The following CBL variants were observed in gnomAD, a reference collection of about 807,000 sequenced individuals.
CBL encodes the protein Cbl proto-oncogene, also known as E3 ubiquitin-protein ligase CBL.
A neutral mutation model predicts 96.9 loss-of-function variants in CBL; 45 were observed. That is an observed-to-expected ratio of 0.46 (90% CI 0.37 to 0.60). CBL has a LOEUF of 0.60. CBL is among the 20% of genes least tolerant of loss of function. The pLI is 0.00. For synonymous variants in CBL, 420 were observed against 426.8 expected (o/e 0.98, Z 0.20); for missense variants, 1,024 against 1,143.5 (o/e 0.90, Z 1.51).
intron 2 of CBL, 60 bp from the exon 3 acceptor site, chr11:119,271,675 G>T (rs2135296913): frequency 7.4e-7 from 1 of 1,358,016 alleles, no homozygotes; most frequent in Non-Finnish European, 1.1e-6. Context: ...TGGTGAATTT[G>T]GTGCATTTAA....
chr11:119,207,827 T>G (rs999210509), intron 1 of CBL, among the ~76,000 whole-genome samples: 7 of 152,226 alleles, frequency 4.6e-5, no homozygotes, highest in Non-Finnish European at 7.3e-5. Context: ...GGTTCCTCCC[T>G]GGGCCTCGGT....
chr11:119,274,565 C>T (rs184564117), intron 4 of CBL, among the ~76,000 whole-genome samples: 21 of 152,266 alleles, frequency 1.4e-4, no homozygotes, highest in African/African-American at 5.1e-4. Flanking sequence ...TGTTGTTCAA[C>T]CCCACTACTG....
At chr11:119,218,203 C>T (rs1242802877) in intron 1 of CBL, among the ~76,000 whole-genome samples, 2 of 152,304 alleles carry the variant, frequency 1.3e-5, no homozygotes, top group East Asian at 3.9e-4. Flanking sequence ...GATGACCCGG[C>T]ACTCACACTT....
At chr11:119,225,894 A>G (rs1949455057) in intron 1 of CBL, among the ~76,000 whole-genome samples, 1 of 151,668 alleles carries the variant, frequency 6.6e-6, no homozygotes, top group African/African-American at 2.4e-5. Flanking sequence ...CGCTTGGCTA[A>G]TTTTTTGTGT....
chr11:119,264,570 C>T (rs1565868525), intron 2 of CBL, among the ~76,000 whole-genome samples: 1 of 151,972 alleles, frequency 6.6e-6, no homozygotes, highest in Non-Finnish European at 1.5e-5. Flanking sequence ...GTACCTCCAC[C>T]TCCAGGGCTC....
chr11:119,291,534 A>G (rs956463826), intron 12 of CBL, among the ~76,000 whole-genome samples: 3 of 152,170 alleles, frequency 2.0e-5, no homozygotes, highest in African/African-American at 4.8e-5. Context: ...GCGAAACCCT[A>G]TCTCTATGAA....
chr11:119,261,093 T>G (rs1949750634), intron 2 of CBL, among the ~76,000 whole-genome samples: 1 of 151,898 alleles, frequency 6.6e-6, no homozygotes, highest in Admixed American at 6.6e-5. Context: ...TTTGTATTTT[T>G]AGTAGAGATG....
intron 12 of CBL, among the ~76,000 whole-genome samples, chr11:119,290,536 C>T (rs2135315029): frequency 6.7e-6 from 1 of 149,826 alleles, no homozygotes; most frequent in African/African-American, 2.4e-5. Flanking sequence ...CCTGTAGTCC[C>T]AGCTACTCAG....
At chr11:119,270,434 A>AT (rs1565870000) in intron 2 of CBL, among the ~76,000 whole-genome samples, 37 of 41,542 alleles carry the variant, frequency 8.9e-4, no homozygotes, top group East Asian at 2.1e-3. Context: ...ATATATATAT[A>AT]TATTTTTTTT....
At position 119,277,743 on chromosome 11, in the gene CBL, G is replaced by C; in HGVS notation, c.1008-14G>C. On this transcript the variant is annotated splice_polypyrimidine_tract_variant and intron_variant, in intron 6 of 15. Transcript: ENST00000264033. ...TTGGCTTAAATAAAACCCAGGGTTG[G>C]TTACTCTTTACAGCTATTTGTTTCC... is the stretch of plus-strand genomic sequence containing the variant. The C allele has an allele frequency of 6.3e-7, 1 of 1,599,998 alleles. No homozygotes were observed. The highest frequency in any genetic ancestry group is 2.2e-5 in the East Asian group (1 of 44,792).
chr11:119,292,373 CT>C (rs67573240), intron 12 of CBL, among the ~76,000 whole-genome samples: 39,642 of 143,622 alleles, frequency 0.28, 5,676 homozygotes, highest in South Asian at 0.57. Flanking sequence ...ATGCTGATGT[CT>C]TTTTTTTTTT....
At position 119,284,868 on chromosome 11, in the gene CBL, T is replaced by TTG. The variant is rs1448443436; in HGVS notation, c.1432-100_1432-99insGT. On this transcript the variant is annotated intron_variant, in intron 9 of 15. Coordinates refer to ENST00000264033, the MANE Select transcript of CBL (RefSeq NM_005188.4). ...AACCTAGGTCTGGCCCATTTGTAGTTTAAGTGTTCCCATGGTATTTGCCAT... is the reference window on the plus strand; with the variant it reads ...AACCTAGGTCTGGCCCATTTGTAGTTTGTAAGTGTTCCCATGGTATTTGCCAT... 3 of 1,434,046 alleles carry TTG rather than the reference T, an allele frequency of 2.1e-6. No individual in the cohort carries two copies. In the African/African-American group the frequency reaches 4.2e-5, roughly 20 times the overall value. 88.8% of individuals were successfully genotyped at this position (1,434,046 alleles called of 1,614,324 possible).
intron 2 of CBL, among the ~76,000 whole-genome samples, chr11:119,254,186 AAAAG>A (rs1237211850): frequency 6.6e-6 from 1 of 152,196 alleles, no homozygotes; most frequent in Non-Finnish European, 1.5e-5. Context: ...GTCTCTATAA[AAAAG>A]AAAAGTCATG....
At chr11:119,285,756 C>T (rs980804898) in intron 11 of CBL, among the ~76,000 whole-genome samples, 190 bp downstream of exon 11, 3 of 151,958 alleles carry the variant, frequency 2.0e-5, no homozygotes, top group African/African-American at 7.3e-5. Context: ...ATTAGCTGGG[C>T]GTGGTGGCAC....
intron 1 of CBL, among the ~76,000 whole-genome samples, chr11:119,223,536 TCTC>T (rs1949428361): frequency 1.3e-5 from 2 of 151,328 alleles, no homozygotes; most frequent in African/African-American, 2.4e-5. Flanking sequence ...TTCAAGCAAT[TCTC>T]CTGTCTCAGC....
At chr11:119,243,030 C>T (rs991814188) in intron 2 of CBL, among the ~76,000 whole-genome samples, 2 of 151,958 alleles carry the variant, frequency 1.3e-5, no homozygotes, top group African/African-American at 2.4e-5. Context: ...GTAATCCCAG[C>T]ACTTTGGGAG....
chr11:119,228,844 C>G (rs1949479717), intron 1 of CBL, among the ~76,000 whole-genome samples: 1 of 150,184 alleles, frequency 6.7e-6, no homozygotes, highest in African/African-American at 2.5e-5. Context: ...TGGTTTCGCT[C>G]TTGTCCCCCA....
At chr11:119,243,161 C>CCAGCTA (rs1208033330) in intron 2 of CBL, among the ~76,000 whole-genome samples, 1 of 151,900 alleles carries the variant, frequency 6.6e-6, no homozygotes, top group African/African-American at 2.4e-5. Context: ...GCCTGTAATC[C>CCAGCTA]CAGCTACTTG....
intron 2 of CBL, among the ~76,000 whole-genome samples, chr11:119,246,155 A>G (rs1949629543): frequency 6.6e-6 from 1 of 151,478 alleles, no homozygotes; most frequent in Admixed American, 6.6e-5. Context: ...TTGTACTTGT[A>G]GTAGAGACAG....
Sources: gnomAD v4.1 joint callset for allele counts (sites outside exome capture counted in the v4.1 genomes callset) on GRCh38, gnomAD v4.1.1 for gene constraint, MANE v1.5 for transcripts, NCBI Gene and HGNC (gene_info 2026-07-23, HGNC 2026-07-21) for gene names.